The following UST variants were observed in gnomAD, a reference collection of about 807,000 sequenced individuals.
UST encodes chondroitin sulfate 2-O-sulfotransferase.
Under a neutral mutation model 45.6 loss-of-function variants are expected in UST, and 21 were observed. That is an observed-to-expected ratio of 0.46 (90% CI 0.33 to 0.66). The LOEUF (loss-of-function observed/expected upper bound fraction) is 0.66, where lower values mean the gene tolerates loss of function less well. UST is among the 30% of genes least tolerant of loss of function. The pLI is 0.02. For synonymous variants in UST, 215 were observed against 200.6 expected, an observed-to-expected ratio of 1.07 and a Z score of -0.61; for missense variants, 463 against 512.4, an observed-to-expected ratio of 0.90 and a Z score of 0.93.
intron 1 of UST, among the ~76,000 whole-genome samples, chr6:148,788,386 A>T (rs539520256): frequency 6.6e-6 from 1 of 152,262 alleles, no homozygotes; most frequent in South Asian, 2.1e-4. Flanking sequence ...AAGTTATTTT[A>T]TTAATTAGCC....
chr6:148,884,443 A>G (rs1162205507), intron 1 of UST, among the ~76,000 whole-genome samples: 2 of 152,194 alleles, frequency 1.3e-5, no homozygotes, highest in Non-Finnish European at 2.9e-5. Flanking sequence ...GCATCTATAA[A>G]GAAGTTCCAT....
rs573821991 is a variant in UST at position 148,872,628 on chromosome 6, A to G, written c.248-14358A>G. On this transcript the variant is annotated intron_variant, in intron 1 of 7. Coordinates refer to ENST00000367463, the MANE Select transcript of UST (RefSeq NM_005715.3). ...TATAAATGTAGTGGCTTAAAATAACACAAAATAATTATCTTACAGTTCATC... is the reference window on the plus strand; with the variant it reads ...TATAAATGTAGTGGCTTAAAATAACGCAAAATAATTATCTTACAGTTCATC... Among the ~76,000 whole-genome samples the G allele has an allele frequency of 2.0e-5, 3 of 152,342 alleles. No homozygotes were observed. In the South Asian group the frequency reaches 6.2e-4, roughly 32 times the overall value.
In UST at chr6:149,060,549, G is replaced by A. The variant is rs563989292; in HGVS notation, c.938-13284G>A. On this transcript the variant is annotated intron_variant, in intron 7 of 7. Transcript: ENST00000367463. ...CAGGAAATGAGTTTACTCTATCTGTGACAAGCATCATGTTCACACAGTTTT... is the reference window on the plus strand; with the variant it reads ...CAGGAAATGAGTTTACTCTATCTGTAACAAGCATCATGTTCACACAGTTTT... Among the ~76,000 whole-genome samples, 10 of 152,324 alleles carry A rather than the reference G, an allele frequency of 6.6e-5. No individual in the cohort carries two copies. The South Asian group carries it at 1.4e-3, about 22-fold the overall frequency.
At chr6:148,927,999 A>G (rs1171016536) in intron 2 of UST, among the ~76,000 whole-genome samples, 2 of 152,238 alleles carry the variant, frequency 1.3e-5, no homozygotes, top group Non-Finnish European at 2.9e-5. Flanking sequence ...TACAGTCCCC[A>G]GTGAAGGCCT....
rs185122241 is a variant in UST, at chr6:149,055,591, C to T, written c.938-18242C>T. On this transcript the variant is annotated intron_variant, in intron 7 of 7. Coordinates refer to ENST00000367463, the MANE Select transcript of UST (RefSeq NM_005715.3). The stretch of plus-strand genomic sequence containing the variant: ...AGTTTCCAAAGTGAACCAATCCTAA[C>T]GGAACCTAATGATACCTTTGAGCAC... Among the ~76,000 whole-genome samples the T allele has an allele frequency of 1.3e-3, 197 of 152,244 alleles. 1 individual carries two copies. The highest frequency in any genetic ancestry group is 7.6e-4 in the Non-Finnish European group (52 of 68,022).
chr6:148,963,228 G>A (rs1199594880), intron 4 of UST, among the ~76,000 whole-genome samples: 1 of 152,142 alleles, frequency 6.6e-6, no homozygotes, highest in East Asian at 1.9e-4. Context: ...AGGCAGGAGC[G>A]GGGTCCTGTC....
At chr6:148,970,628 C>T (rs773677317) in intron 5 of UST, among the ~76,000 whole-genome samples, 2 of 152,180 alleles carry the variant, frequency 1.3e-5, no homozygotes, top group Non-Finnish European at 2.9e-5. Flanking sequence ...CAGGCAGAGC[C>T]AGGCCCCATG....
At chr6:148,972,594 G>T (rs951490904) in intron 5 of UST, among the ~76,000 whole-genome samples, 1 of 152,236 alleles carries the variant, frequency 6.6e-6, no homozygotes, top group Non-Finnish European at 1.5e-5. Context: ...TCAGGAGCAC[G>T]CACCGCAAGG....
At chr6:148,891,773 C>A (rs1779022773) in intron 2 of UST, among the ~76,000 whole-genome samples, 1 of 152,100 alleles carries the variant, frequency 6.6e-6, no homozygotes, top group Non-Finnish European at 1.5e-5. Context: ...CTTCAGTATA[C>A]CAGAAAAAAA....
intron 2 of UST, among the ~76,000 whole-genome samples, chr6:148,931,139 A>G (rs1779915015): frequency 6.6e-6 from 1 of 152,272 alleles, no homozygotes. Context: ...ATCATTCTAA[A>G]TCGAGTGGTT....
chr6:148,948,562 T>C (rs1306873507), intron 3 of UST, among the ~76,000 whole-genome samples: 1 of 152,240 alleles, frequency 6.6e-6, no homozygotes, highest in Non-Finnish European at 1.5e-5. Flanking sequence ...TCTTTTTTAG[T>C]ATTTAAAATT....
chr6:148,747,280 GCC>G lies in UST; in HGVS notation c.-149_-148del. 2.1e-6 allele frequency: 2 copies of G among 931,482 alleles called. No homozygotes were observed. The highest frequency in any genetic ancestry group is 3.5e-5 in the African/African-American group (2 of 57,934). The allele number at this position is 931,482 out of a possible 1,614,324, so 57.7% of individuals were successfully genotyped here. A position where few individuals can be genotyped will look rare whatever the true frequency, so the allele number is the denominator to read the frequency against. Reference sequence around the variant, plus strand: ...GACCATGCCGAAGAAAGTCTCCTGAGCCCGGCAACTTCGGCCCCTCCCCGCCC... The same window carrying G: ...GACCATGCCGAAGAAAGTCTCCTGAGCGGCAACTTCGGCCCCTCCCCGCCC... On this transcript the variant is annotated 5_prime_UTR_variant, in exon 1 of 8. Coordinates refer to ENST00000367463, the MANE Select transcript of UST (RefSeq NM_005715.3).
At chr6:148,949,398 T>A (rs1582916632) in intron 3 of UST, among the ~76,000 whole-genome samples, 1 of 60,880 alleles carries the variant, frequency 1.6e-5, no homozygotes, top group East Asian at 3.5e-4. Flanking sequence ...TGTCTCAAAA[T>A]AATAATAATA....
chr6:148,765,821 G>A (rs564542055), intron 1 of UST, among the ~76,000 whole-genome samples: 34 of 152,248 alleles, frequency 2.2e-4, no homozygotes, highest in Non-Finnish European at 4.0e-4. Context: ...CTGTCCCTCC[G>A]TTCGGGGTCC....
chr6:148,825,602 G>A (rs75890850), intron 1 of UST, among the ~76,000 whole-genome samples: 2,050 of 152,286 alleles, frequency 0.013, 45 homozygotes, highest in African/African-American at 0.047. Flanking sequence ...AGAAGTTCTG[G>A]TAATGCATTA....
At position 148,766,334 on chromosome 6, in the gene UST, A is replaced by ACCCACTCACCCACTTG. The variant is rs1562561262; in HGVS notation, c.247+18658_247+18659insCCACTCACCCACTTGC. Reference sequence around the variant, plus strand: ...GATCAGAGACACATGTTCTCCTATCACTCTCACCCACTCACCCACTTGCTC... The same window carrying ACCCACTCACCCACTTG: ...GATCAGAGACACATGTTCTCCTATCACCCACTCACCCACTTGCTCTCACCCACTCACCCACTTGCTC... On this transcript the variant is annotated intron_variant, in intron 1 of 7. Coordinates refer to ENST00000367463, the MANE Select transcript of UST (RefSeq NM_005715.3). 3.3e-3 allele frequency among the ~76,000 whole-genome samples: 495 copies of ACCCACTCACCCACTTG among 151,478 alleles called. 7 individuals are homozygous for ACCCACTCACCCACTTG. Among genetic ancestry groups the ACCCACTCACCCACTTG allele is most frequent in the African/African-American group, 0.011 (467 of 41,240 alleles).
At position 148,864,688 on chromosome 6, in the gene UST, C is replaced by T. The variant is rs541853795; in HGVS notation, c.248-22298C>T. Among the ~76,000 whole-genome samples, 107 of 152,166 alleles carry T rather than the reference C, an allele frequency of 7.0e-4. 3 individuals are homozygous for T. The highest frequency in any genetic ancestry group is 4.3e-4 in the Non-Finnish European group (29 of 68,030). ...GTTGACGCTCAATATTAACCCTCAC[C>T]GGAATGTTATGTGTTGAGGCAATAA... On this transcript the variant is annotated intron_variant, in intron 1 of 7. Coordinates refer to ENST00000367463, the MANE Select transcript of UST (RefSeq NM_005715.3).
intron 7 of UST, among the ~76,000 whole-genome samples, chr6:149,026,178 G>A (rs971793350): frequency 5.3e-5 from 8 of 151,416 alleles, no homozygotes; most frequent in Admixed American, 4.6e-4. Flanking sequence ...AGGCCTGATG[G>A]CATGTGCCTG....
At chr6:149,059,696 G>T (rs1776624279) in intron 7 of UST, among the ~76,000 whole-genome samples, 1 of 152,134 alleles carries the variant, frequency 6.6e-6, no homozygotes, top group South Asian at 2.1e-4. Flanking sequence ...TAAGCAAAAA[G>T]AATCCAGGCA....
Sources: gnomAD v4.1 joint callset for allele counts (sites outside exome capture counted in the v4.1 genomes callset) on GRCh38, gnomAD v4.1.1 for gene constraint, MANE v1.5 for transcripts, NCBI Gene and HGNC (gene_info 2026-07-23, HGNC 2026-07-21) for gene names.